TBL1X: variants seen among roughly 807,000 people sequenced by gnomAD.
The protein encoded by TBL1X is F-box-like/WD repeat-containing protein TBL1X.
A neutral mutation model predicts 50.7 loss-of-function variants in TBL1X; 10 were observed. That is an observed-to-expected ratio of 0.20 (90% CI 0.12 to 0.33). The LOEUF (loss-of-function observed/expected upper bound fraction) is 0.33, where lower values mean the gene tolerates loss of function less well. TBL1X is among the 10% of genes least tolerant of loss of function. The pLI is 1.00. For missense variants in TBL1X, 340 were observed against 504.4 expected, an observed-to-expected ratio of 0.67 and a Z score of 3.12; for synonymous variants, 190 against 214.7, an observed-to-expected ratio of 0.88 and a Z score of 1.01.
intron 12 of TBL1X, among the ~76,000 whole-genome samples, chrX:9,699,064 T>TCCG (rs1317282543): frequency 9.0e-6 from 1 of 111,559 alleles, no homozygotes; most frequent in African/African-American, 3.3e-5. Flanking sequence ...CATTGCAGCC[T>TCCG]CCGCCTCCCA....
intron 1 of TBL1X, among the ~76,000 whole-genome samples, chrX:9,480,072 T>TC (rs761900073): frequency 3.7e-5 from 4 of 109,305 alleles, no homozygotes; most frequent in East Asian, 2.9e-4. Context: ...TGCTTCAGCC[T>TC]CCCCCCGGCG....
At position 9,684,103 on chromosome X, in the gene TBL1X, A is replaced by G. The variant is rs759139342; in HGVS notation, c.272A>G (p.Asn91Ser). Residue 91 changes from asparagine (N) to serine (S), a missense_variant, in exon 6 of 18, where the codon AAT becomes AGT. Coordinates refer to ENST00000645353, the MANE Select transcript of TBL1X (RefSeq NM_005647.4). ...IESHISQSNI[N>S]GTLVPPAALI... is the part of the protein sequence containing the mutation. ...AGCCACATCAGCCAGTCCAACATCA[A>G]TGGGACGCTAGTGCCACCGGCCGCC... is the stretch of plus-strand genomic sequence containing the variant. 4 of 1,209,548 alleles carry G rather than the reference A, an allele frequency of 3.3e-6. No homozygotes were observed. Among genetic ancestry groups the G allele is most frequent in the African/African-American group, 3.5e-5 (2 of 56,954 alleles).
At chrX:9,701,045 G>A (rs1393949289) in intron 12 of TBL1X, among the ~76,000 whole-genome samples, 2 of 110,493 alleles carry the variant, frequency 1.8e-5, no homozygotes, top group Non-Finnish European at 3.8e-5. Context: ...GGAGATCTTA[G>A]TGGCGACGGA....
intron 2 of TBL1X, among the ~76,000 whole-genome samples, chrX:9,609,336 G>GGT (rs775969638): frequency 0.047 from 4,487 of 94,652 alleles, 120 homozygotes; most frequent in African/African-American, 0.071. Flanking sequence ...TTTTCTTCCA[G>GGT]GTGTGTGTGT....
intron 16 of TBL1X, among the ~76,000 whole-genome samples, chrX:9,712,067 G>A (rs959796450): frequency 6.2e-5 from 7 of 112,500 alleles, no homozygotes; most frequent in African/African-American, 1.9e-4. Flanking sequence ...CTTCCTTGAA[G>A]GAGCCGCTGT....
rs772848264 is a variant in TBL1X, at chrX:9,716,277, T to A, written c.*31T>A. Reference sequence around the variant, plus strand: ...AAATATTATCGAAAAAAGAAAAGAATTCTAATGACCAGCCGTGAATGTGTA... The same window carrying A: ...AAATATTATCGAAAAAAGAAAAGAAATCTAATGACCAGCCGTGAATGTGTA... On this transcript the variant is annotated 3_prime_UTR_variant, in exon 18 of 18. Coordinates refer to ENST00000645353, the MANE Select transcript of TBL1X (RefSeq NM_005647.4). 4 of 1,196,029 alleles carry A rather than the reference T, an allele frequency of 3.3e-6. No individual in the cohort carries two copies. Among genetic ancestry groups the A allele is most frequent in the Non-Finnish European group, 4.5e-6 (4 of 883,958 alleles).
At chrX:9,648,005 T>C (rs997008193) in intron 3 of TBL1X, among the ~76,000 whole-genome samples, 1 of 111,567 alleles carries the variant, frequency 9.0e-6, no homozygotes, top group African/African-American at 3.3e-5. Context: ...TAGGGGCTAT[T>C]TGATACTCAG....
At chrX:9,508,770 A>G (rs2082038775) in intron 2 of TBL1X, among the ~76,000 whole-genome samples, 1 of 112,044 alleles carries the variant, frequency 8.9e-6, no homozygotes, top group Non-Finnish European at 1.9e-5. Context: ...AAAAGGAATG[A>G]GATCATGTCC....
intron 5 of TBL1X, among the ~76,000 whole-genome samples, chrX:9,662,972 A>T (rs912391127): frequency 3.6e-5 from 4 of 111,449 alleles, no homozygotes; most frequent in Admixed American, 2.9e-4. Flanking sequence ...AATTTTTTTT[A>T]AAAATGGTTA....
chrX:9,692,377 C>G, intron 9 of TBL1X, 123 bp downstream of exon 9: 2 of 869,006 alleles, frequency 2.3e-6, no homozygotes, highest in Non-Finnish European at 3.1e-6. Context: ...GCTCAGCCCC[C>G]ACTCTGATGG....
chrX:9,545,075 C>A (rs2082235681), intron 2 of TBL1X, among the ~76,000 whole-genome samples: 1 of 91,531 alleles, frequency 1.1e-5, no homozygotes, highest in Non-Finnish European at 2.1e-5. Context: ...GGCATGAGAT[C>A]AGCTCACTGC....
chrX:9,632,311 G>A (rs1235316729), intron 2 of TBL1X, among the ~76,000 whole-genome samples: 1 of 111,492 alleles, frequency 9.0e-6, no homozygotes, highest in Non-Finnish European at 1.9e-5. Flanking sequence ...AGACAGTCTG[G>A]CTCTGTCACC....
At chrX:9,590,705 A>C (rs1159028898) in intron 2 of TBL1X, among the ~76,000 whole-genome samples, 5 of 111,617 alleles carry the variant, frequency 4.5e-5, no homozygotes, top group African/African-American at 1.6e-4. Context: ...GAATTTTTTA[A>C]AGTTTTGGTG....
intron 5 of TBL1X, among the ~76,000 whole-genome samples, chrX:9,674,996 C>T (rs930354606): frequency 1.1e-4 from 12 of 111,764 alleles, no homozygotes; most frequent in Non-Finnish European, 2.1e-4. Flanking sequence ...TGTTAGTTTA[C>T]GAGTTTCATT....
intron 2 of TBL1X, among the ~76,000 whole-genome samples, chrX:9,509,833 T>G (rs1601723193): frequency 9.0e-6 from 1 of 110,897 alleles, no homozygotes; most frequent in East Asian, 2.8e-4. Flanking sequence ...GTTAATGGCG[T>G]GCATTTTCTG....
intron 1 of TBL1X, among the ~76,000 whole-genome samples, chrX:9,471,209 C>T (rs2081812505): frequency 8.9e-6 from 1 of 112,627 alleles, no homozygotes; most frequent in Non-Finnish European, 1.9e-5. Context: ...GTGTTTTACT[C>T]TGGGCCATAT....
intron 2 of TBL1X, among the ~76,000 whole-genome samples, chrX:9,625,656 A>G (rs1195275106): frequency 8.9e-6 from 1 of 112,726 alleles, no homozygotes; most frequent in Admixed American, 9.3e-5. Context: ...AATGCAAACT[A>G]GGCCGAGTGC....
chrX:9,669,242 G>A (rs970463770), intron 5 of TBL1X, among the ~76,000 whole-genome samples: 3 of 111,117 alleles, frequency 2.7e-5, no homozygotes, highest in Non-Finnish European at 3.8e-5. Flanking sequence ...TAATATAGGC[G>A]ACAAAAACGT....
At chrX:9,580,196 A>G (rs1006295366) in intron 2 of TBL1X, among the ~76,000 whole-genome samples, 1 of 111,883 alleles carries the variant, frequency 8.9e-6, no homozygotes. Flanking sequence ...ACGGGTCTCA[A>G]TCAATTTAGG....
Sources: gnomAD v4.1 joint callset for allele counts (sites outside exome capture counted in the v4.1 genomes callset) on GRCh38, gnomAD v4.1.1 for gene constraint, MANE v1.5 for transcripts, NCBI Gene and HGNC (gene_info 2026-07-23, HGNC 2026-07-21) for gene names.